Variants in DOK7 observed in about 807,000 individuals in gnomAD.
DOK7 encodes protein Dok-7.
DOK7 carries 32 observed loss-of-function variants against 30.7 expected under a neutral mutation model. The observed-to-expected ratio is 1.04, with a 90% CI of 0.79 to 1.40. The LOEUF (loss-of-function observed/expected upper bound fraction) is 1.40. Ranked by LOEUF, DOK7 falls within the 40% of genes most tolerant of loss-of-function variation. DOK7 has a pLI of 0.00. For synonymous variants in DOK7, 447 were observed against 324.1 expected (o/e 1.38, Z -4.07); for missense variants, 1,007 against 699.2 (o/e 1.44, Z -4.97).
intron 6 of DOK7, among the ~76,000 whole-genome samples, chr4:3,491,975 T>C (rs572000157): frequency 1.3e-5 from 2 of 152,280 alleles, no homozygotes; most frequent in South Asian, 2.1e-4. Flanking sequence ...AAGCAGACAG[T>C]GGTCATCTCC....
chr4:3,463,857 C>T (rs1726119556), intron 2 of DOK7, among the ~76,000 whole-genome samples: 1 of 152,184 alleles, frequency 6.6e-6, no homozygotes, highest in South Asian at 2.1e-4. Context: ...GAAGCAAAGC[C>T]CCACATACCT....
chr4:3,498,577 C>A (rs989560407), downstream of DOK7, among the ~76,000 whole-genome samples: 1 of 152,230 alleles, frequency 6.6e-6, no homozygotes, highest in Non-Finnish European at 1.5e-5. Context: ...GACGCCAGGC[C>A]CCGGCGCTCC....
intron 7 of DOK7, chr4:3,500,542 C>T: frequency 1.4e-6 from 2 of 1,478,024 alleles, no homozygotes; most frequent in South Asian, 2.6e-5. Context: ...GCAAATGTCC[C>T]CAACTCCATC....
At chr4:3,498,443 CCTTGGGAGCAAA>C (rs1204271960), downstream of DOK7, among the ~76,000 whole-genome samples, 1 of 152,242 alleles carries the variant, frequency 6.6e-6, no homozygotes, top group Non-Finnish European at 1.5e-5. Context: ...CACCGCCCAA[CCTTGGGAGCAAA>C]CTTGGAAGAA....
chr4:3,493,872 G>A lies in DOK7; in HGVS notation c.*371G>A. ...CCCTGCCGCTGGCCTTGTCCTCCTT[G>A]GGCCTCACGCCCCCTTCGGGGGTGG... On this transcript the variant is annotated 3_prime_UTR_variant, in exon 7 of 7. Transcript: ENST00000340083. 7 of 1,129,184 alleles carry A rather than the reference G, an allele frequency of 6.2e-6. No homozygotes were observed. The highest frequency in any genetic ancestry group is 7.6e-6 in the Non-Finnish European group (7 of 921,356). 69.9% of individuals were successfully genotyped at this position (1,129,184 alleles called of 1,614,324 possible). A position where few individuals can be genotyped will look rare whatever the true frequency, so the allele number is the denominator to read the frequency against.
rs1264941954 is a variant in DOK7, at chr4:3,491,326, A to G, written c.773-1433A>G. On this transcript the variant is annotated intron_variant, in intron 6 of 6. Coordinates refer to ENST00000340083, the MANE Select transcript of DOK7 (RefSeq NM_173660.5). Reference sequence around the variant, plus strand: ...TCATTCCTGCCTTCTCCCCCTGCTCATTCATTCCTTCCTTCTTCGCCTGCT... The same window carrying G: ...TCATTCCTGCCTTCTCCCCCTGCTCGTTCATTCCTTCCTTCTTCGCCTGCT... 6.7e-3 allele frequency among the ~76,000 whole-genome samples: 478 copies of G among 71,568 alleles called. 5 individuals carry two copies. The highest frequency in any genetic ancestry group is 0.023 in the African/African-American group (433 of 19,192). The allele number at this position is 71,568 out of a possible 152,430, so 47.0% of individuals were successfully genotyped here. A position where few individuals can be genotyped will look rare whatever the true frequency, so the allele number is the denominator to read the frequency against.
Position 3,493,429 on chromosome 4 carries a change from C to G in DOK7, c.1443C>G (p.His481Gln), listed in dbSNP as rs749462644. 4 of 1,603,144 alleles carry G rather than the reference C, an allele frequency of 2.5e-6. No homozygotes were observed. Among genetic ancestry groups the G allele is most frequent in the African/African-American group, 1.3e-5 (1 of 74,856 alleles). The change falls in exon 7 of 7, where the codon CAC (histidine) becomes CAG (glutamine). Residue 481 changes from histidine (H) to glutamine (Q), a missense_variant. By Grantham distance (24) the His-to-Gln change is conservative. Transcript: ENST00000340083. Reference protein sequence around the residue: ...PGEPWEAGGPHAGPPPAFFSA... With the variant: ...PGEPWEAGGPQAGPPPAFFSA... ...AGCCCTGGGAAGCAGGCGGCCCCCACGCGGGGCCACCCCCGGCTTTCTTTT... is the reference window on the plus strand; with the variant it reads ...AGCCCTGGGAAGCAGGCGGCCCCCAGGCGGGGCCACCCCCGGCTTTCTTTT...
At chr4:3,468,062 G>A (rs1018090529) in intron 2 of DOK7, among the ~76,000 whole-genome samples, 1 of 152,234 alleles carries the variant, frequency 6.6e-6, no homozygotes, top group Admixed American at 6.5e-5. Context: ...ATGAGTGCAC[G>A]CTTCTGTGTG....
chr4:3,492,721 T>C, intron 6 of DOK7, 38 bp from the exon 7 acceptor site: 1 of 1,588,348 alleles, frequency 6.3e-7, no homozygotes, highest in Non-Finnish European at 8.5e-7. Flanking sequence ...CAGACCCCTG[T>C]ACCCCCACAA....
At chr4:3,480,949 G>T (rs764436404) in intron 4 of DOK7, among the ~76,000 whole-genome samples, 18 of 152,166 alleles carry the variant, frequency 1.2e-4, no homozygotes, top group Non-Finnish European at 2.4e-4. Flanking sequence ...TCTCTGGAGG[G>T]GCGAGCCTCA....
chr4:3,495,170 A>G (rs1237238001), downstream of DOK7, among the ~76,000 whole-genome samples: 1 of 152,166 alleles, frequency 6.6e-6, no homozygotes, highest in East Asian at 1.9e-4. Context: ...ACTGGGCTGC[A>G]CTGAGGGTCT....
In DOK7 at chr4:3,493,273, T is replaced by TGCGGCCAGGGACTCAG. The variant is rs778172294; in HGVS notation, c.1296_1311dup (p.Thr438GlyfsTer86). The TGCGGCCAGGGACTCAG allele has an allele frequency of 1.2e-6, 2 of 1,611,056 alleles. No individual in the cohort carries two copies. Among genetic ancestry groups the TGCGGCCAGGGACTCAG allele is most frequent in the African/African-American group, 2.7e-5 (2 of 74,902 alleles). Reference sequence around the variant, plus strand: ...CCTCACAGGGCAGCCCCGGCAACAGTGCGGCCAGGGACTCAGGCGGCCAGA... The same window carrying TGCGGCCAGGGACTCAG: ...CCTCACAGGGCAGCCCCGGCAACAGTGCGGCCAGGGACTCAGGCGGCCAGGGACTCAGGCGGCCAGA... On this transcript the variant is annotated frameshift_variant, in exon 7 of 7. Transcript: ENST00000340083. LOFTEE classifies it low-confidence loss of function (END_TRUNC).
chr4:3,469,588 G>A (rs145076237), intron 2 of DOK7, among the ~76,000 whole-genome samples: 2,786 of 152,176 alleles, frequency 0.018, 43 homozygotes, highest in Middle Eastern at 0.051. Flanking sequence ...CCTGGCGCCC[G>A]GGGAGCTGGC....
At chr4:3,468,485 T>C (rs537547423) in intron 2 of DOK7, among the ~76,000 whole-genome samples, 2 of 151,614 alleles carry the variant, frequency 1.3e-5, no homozygotes, top group South Asian at 2.1e-4. Flanking sequence ...TCTGTGTACA[T>C]GTATGAGTGT....
intron 6 of DOK7, among the ~76,000 whole-genome samples, 157 bp downstream of exon 6, chr4:3,489,953 G>A (rs892602273): frequency 4.5e-5 from 3 of 66,518 alleles, no homozygotes; most frequent in African/African-American, 1.3e-4. Context: ...CCAACTCCCC[G>A]CCCCGCCCGC....
At chr4:3,464,445 A>G (rs1376764494) in intron 2 of DOK7, among the ~76,000 whole-genome samples, 1 of 152,152 alleles carries the variant, frequency 6.6e-6, no homozygotes, top group Non-Finnish European at 1.5e-5. Context: ...TTCTCCACTC[A>G]GCCCTCCGTG....
chr4:3,464,186 C>T (rs1005906147), intron 2 of DOK7, among the ~76,000 whole-genome samples: 1 of 152,156 alleles, frequency 6.6e-6, no homozygotes, highest in African/African-American at 2.4e-5. Context: ...GCAGCTGCTC[C>T]AGAGGACAGG....
At chr4:3,474,098 C>T (rs1726930818) in intron 3 of DOK7, among the ~76,000 whole-genome samples, 1 of 152,090 alleles carries the variant, frequency 6.6e-6, no homozygotes, top group African/African-American at 2.4e-5. Flanking sequence ...GTGGAACTGG[C>T]CCTGGAAGAG....
chr4:3,468,516 A>ATGTGTGTGACTGTGCG (rs1284349437), intron 2 of DOK7, among the ~76,000 whole-genome samples: 1 of 106,812 alleles, frequency 9.4e-6, no homozygotes, highest in African/African-American at 3.9e-5. Flanking sequence ...GTGTGCGTGT[A>ATGTGTGTGACTGTGCG]TGAGTGTGTG....
Sources: gnomAD v4.1 joint callset for allele counts (sites outside exome capture counted in the v4.1 genomes callset) on GRCh38, gnomAD v4.1.1 for gene constraint, MANE v1.5 for transcripts, NCBI Gene and HGNC (gene_info 2026-07-23, HGNC 2026-07-21) for gene names.